The following RAP1GAP2 variants were observed in gnomAD, a reference collection of about 807,000 sequenced individuals.
RAP1GAP2 encodes the protein rap1 GTPase-activating protein 2.
Under a neutral mutation model 95.0 loss-of-function variants are expected in RAP1GAP2, and 27 were observed. That is an observed-to-expected ratio of 0.28 (90% CI 0.21 to 0.39). The LOEUF is 0.39. Among genes scored for constraint, RAP1GAP2 ranks in the 10% least tolerant of loss-of-function variants. The pLI is 1.00. For synonymous variants in RAP1GAP2, 373 were observed against 380.9 expected, an observed-to-expected ratio of 0.98 and a Z score of 0.24; for missense variants, 771 against 970.0, an observed-to-expected ratio of 0.79 and a Z score of 2.72.
chr17:2,885,032 T>C (rs867208608), intron 2 of RAP1GAP2, among the ~76,000 whole-genome samples: 121 of 141,738 alleles, frequency 8.5e-4, no homozygotes, highest in African/African-American at 2.3e-3. Flanking sequence ...TTCTTTCTTT[T>C]TTTTTTTTTT....
At chr17:2,775,795 G>A (rs2068485772), upstream of RAP1GAP2, among the ~76,000 whole-genome samples, 1 of 152,202 alleles carries the variant, frequency 6.6e-6, no homozygotes, top group African/African-American at 2.4e-5. Flanking sequence ...CCAAAGGTTG[G>A]CTAGAGGACC....
At chr17:2,801,474 CA>C (rs55905445) in intron 2 of RAP1GAP2, among the ~76,000 whole-genome samples, 26 of 139,590 alleles carry the variant, frequency 1.9e-4, no homozygotes, top group Admixed American at 1.4e-4. Context: ...GACTCTGTCT[CA>C]AAAAAAAAAA....
At chr17:2,921,637 G>T (rs558402909) in intron 3 of RAP1GAP2, among the ~76,000 whole-genome samples, 2 of 150,828 alleles carry the variant, frequency 1.3e-5, no homozygotes, top group African/African-American at 4.9e-5. Flanking sequence ...TAAGGTGTCA[G>T]CAGGGCCGTT....
intron 3 of RAP1GAP2, among the ~76,000 whole-genome samples, chr17:2,937,043 T>A (rs16952511): frequency 0.21 from 31,372 of 151,876 alleles, 4,218 homozygotes; most frequent in African/African-American, 0.38. Flanking sequence ...AAGCTGAGAG[T>A]TAAAGTGGTT....
At chr17:3,026,277 TC>T in intron 20 of RAP1GAP2, 72 bp from the exon 21 acceptor site, 1 of 1,382,214 alleles carries the variant, frequency 7.2e-7, no homozygotes, top group Non-Finnish European at 1.0e-6. Context: ...CCGCCAGAGG[TC>T]CCGGGGAGGA....
At position 2,999,449 on chromosome 17, in the gene RAP1GAP2, C is replaced by T. The variant is rs79466652; in HGVS notation, c.1200+1073C>T. ...TAAATTCTCAAAGCGCTCCCTGCTCCGCAAAATATCAGGAACCACTGTTCT... is the reference window on the plus strand; with the variant it reads ...TAAATTCTCAAAGCGCTCCCTGCTCTGCAAAATATCAGGAACCACTGTTCT... On this transcript the variant is annotated intron_variant, in intron 14 of 24. Transcript: ENST00000254695. Among the ~76,000 whole-genome samples the T allele has an allele frequency of 2.5e-3, 387 of 152,254 alleles. 4 individuals carry two copies. The East Asian group carries it at 0.036, about 14-fold the overall frequency.
intron 2 of RAP1GAP2, among the ~76,000 whole-genome samples, chr17:2,828,372 C>T (rs539666411): frequency 3.1e-4 from 46 of 150,198 alleles, no homozygotes; most frequent in African/African-American, 8.7e-4. Context: ...AATAATACTG[C>T]GATTTCCTAG....
chr17:2,797,961 G>A lies in RAP1GAP2; in HGVS notation c.44+1390G>A, dbSNP rs143795793. 6.6e-6 allele frequency among the ~76,000 whole-genome samples: 1 copy of A among 152,318 alleles called. No homozygotes were observed. The highest frequency in any genetic ancestry group is 2.4e-5 in the African/African-American group (1 of 41,572). Reference sequence around the variant, plus strand: ...GGCTGGTCGCCAGAAAGCTCCGGGTGCACAGGTCCCGGTCTCAGCCTAGCT... The same window carrying A: ...GGCTGGTCGCCAGAAAGCTCCGGGTACACAGGTCCCGGTCTCAGCCTAGCT... On this transcript the variant is annotated intron_variant, in intron 1 of 24. Coordinates refer to ENST00000254695, the MANE Select transcript of RAP1GAP2 (RefSeq NM_015085.5). The surrounding 1 kb of genome is among the most constrained non-coding windows in gnomAD (Gnocchi z 5.6).
Position 2,981,175 on chromosome 17 carries a change from G to A in RAP1GAP2, c.676-20G>A, listed in dbSNP as rs1010784777. Reference sequence around the variant, plus strand: ...TCTACAGATATCATCCCTGACCTGCGTCTTCTTCTCCCTTCTCAGGCTTTC... The same window carrying A: ...TCTACAGATATCATCCCTGACCTGCATCTTCTTCTCCCTTCTCAGGCTTTC... On this transcript the variant is annotated intron_variant, in intron 9 of 24. Coordinates refer to ENST00000254695, the MANE Select transcript of RAP1GAP2 (RefSeq NM_015085.5). 9 of 1,609,558 alleles carry A rather than the reference G, an allele frequency of 5.6e-6. No homozygotes were observed. Among genetic ancestry groups the A allele is most frequent in the African/African-American group, 4.0e-5 (3 of 74,814 alleles).
At chr17:2,877,339 C>A (rs1466751742) in intron 2 of RAP1GAP2, among the ~76,000 whole-genome samples, 2 of 152,194 alleles carry the variant, frequency 1.3e-5, no homozygotes, top group African/African-American at 4.8e-5. Context: ...ATTGAGGAAC[C>A]TTTCAGCCAG....
chr17:2,859,406 G>T (rs1335003832), intron 2 of RAP1GAP2, among the ~76,000 whole-genome samples: 1 of 151,366 alleles, frequency 6.6e-6, no homozygotes, highest in Non-Finnish European at 1.5e-5. Flanking sequence ...GAGCCACCCT[G>T]CTTGGCCCTT....
intron 2 of RAP1GAP2, among the ~76,000 whole-genome samples, chr17:2,835,943 C>A (rs752437495): frequency 6.6e-6 from 1 of 152,110 alleles, no homozygotes; most frequent in East Asian, 1.9e-4. Flanking sequence ...TTTGTGCCAG[C>A]CCTGCCTTTT....
chr17:3,010,775 C>T (rs925854277), intron 17 of RAP1GAP2, among the ~76,000 whole-genome samples: 1 of 152,192 alleles, frequency 6.6e-6, no homozygotes, highest in Non-Finnish European at 1.5e-5. Flanking sequence ...TACTAAAACC[C>T]TGCAACTGTA....
In RAP1GAP2 at chr17:2,842,529, C is replaced by CAA. The variant is rs34473053; in HGVS notation, c.80+42001_80+42002dup. ...TGGGTGACAGAGCGAGATTCCGTCT[C>CAA]AAAAAAAAAAAAAAAAAAAAAAATA... On this transcript the variant is annotated intron_variant, in intron 2 of 24. Transcript: ENST00000254695. 5.9e-3 allele frequency among the ~76,000 whole-genome samples: 461 copies of CAA among 77,536 alleles called. 3 individuals are homozygous for CAA. Among genetic ancestry groups the CAA allele is most frequent in the African/African-American group, 0.014 (308 of 21,660 alleles). 50.9% of individuals were successfully genotyped at this position (77,536 alleles called of 152,430 possible). A position where few individuals can be genotyped will look rare whatever the true frequency, so the allele number is the denominator to read the frequency against.
chr17:2,888,892 AGCTC>A, intron 2 of RAP1GAP2, among the ~76,000 whole-genome samples: 1 of 149,012 alleles, frequency 6.7e-6, no homozygotes, highest in South Asian at 2.1e-4. Context: ...TGAACTCCTG[AGCTC>A]AGGCGATCTG....
chr17:3,019,279 A>G (rs2046877591), intron 18 of RAP1GAP2, among the ~76,000 whole-genome samples: 1 of 152,122 alleles, frequency 6.6e-6, no homozygotes, highest in Non-Finnish European at 1.5e-5. Context: ...ATGGTGGCTG[A>G]GGAGGGTGGA....
upstream of RAP1GAP2, among the ~76,000 whole-genome samples, chr17:2,792,686 C>T (rs1191895512): frequency 6.6e-6 from 1 of 152,238 alleles, no homozygotes; most frequent in Non-Finnish European, 1.5e-5. Context: ...GGCAGCCGGG[C>T]CAGTCCTGCT....
intron 3 of RAP1GAP2, among the ~76,000 whole-genome samples, chr17:2,946,540 C>T (rs1567809035): frequency 6.6e-6 from 1 of 152,118 alleles, no homozygotes; most frequent in African/African-American, 2.4e-5. Flanking sequence ...ATGAGTCTGC[C>T]TAATTTAAGA....
intron 17 of RAP1GAP2, among the ~76,000 whole-genome samples, chr17:3,016,964 T>C (rs531396796): frequency 2.0e-5 from 3 of 152,178 alleles, no homozygotes; most frequent in African/African-American, 2.4e-5. Flanking sequence ...CAGTGACTGA[T>C]GGAATGATCA....
Sources: gnomAD v4.1 joint callset for allele counts (sites outside exome capture counted in the v4.1 genomes callset) on GRCh38, gnomAD v4.1.1 for gene constraint, Gnocchi (gnomAD v3.1) non-coding constraint, MANE v1.5 for transcripts, NCBI Gene and HGNC (gene_info 2026-07-23, HGNC 2026-07-21) for gene names.